The following PSPC1 variants were observed in gnomAD, a reference collection of about 807,000 sequenced individuals.
PSPC1 encodes paraspeckle component 1, also known as paraspeckle protein 1.
Under a neutral mutation model 51.6 loss-of-function variants are expected in PSPC1, and 14 were observed. That is an observed-to-expected ratio of 0.27 (90% CI 0.18 to 0.42). PSPC1 has a LOEUF of 0.42. Among genes scored for constraint, PSPC1 ranks in the 10% least tolerant of loss-of-function variants. The pLI is 1.00. For missense variants in PSPC1, 406 were observed against 701.1 expected (o/e 0.58, Z 4.75); for synonymous variants, 193 against 231.9 (o/e 0.83, Z 1.53).
intron 5 of PSPC1, among the ~76,000 whole-genome samples, chr13:19,730,961 A>AAAAAAAAAAAC (rs1441202332): frequency 8.1e-4 from 19 of 23,506 alleles, no homozygotes; most frequent in Non-Finnish European, 1.9e-3. Flanking sequence ...AAAAAACAAA[A>AAAAAAAAAAAC]AAACAAAAAA....
intron 4 of PSPC1, among the ~76,000 whole-genome samples, chr13:19,743,318 C>T (rs1885621538): frequency 6.6e-6 from 1 of 152,146 alleles, no homozygotes; most frequent in Non-Finnish European, 1.5e-5. Context: ...TCTTAATAAA[C>T]ACCTGTACTC....
At chr13:19,701,641 C>A (rs1879915477), downstream of PSPC1, among the ~76,000 whole-genome samples, 2 of 152,154 alleles carry the variant, frequency 1.3e-5, no homozygotes, top group Admixed American at 1.3e-4. Context: ...AAGAATGCAT[C>A]AATTATGCTT....
chr13:19,752,711 G>A (rs540667185), intron 3 of PSPC1, among the ~76,000 whole-genome samples: 23 of 151,986 alleles, frequency 1.5e-4, no homozygotes, highest in African/African-American at 5.1e-4. Context: ...TCAGCTTCCC[G>A]AGTAGCTCGG....
chr13:19,698,885 T>A (rs2137693674), downstream of PSPC1, among the ~76,000 whole-genome samples: 1 of 151,950 alleles, frequency 6.6e-6, no homozygotes, highest in South Asian at 2.1e-4. Flanking sequence ...ATAACAGACT[T>A]CTGTTATTCA....
intron 1 of PSPC1, among the ~76,000 whole-genome samples, chr13:19,776,259 G>A (rs1048881326): frequency 5.3e-5 from 8 of 152,062 alleles, no homozygotes; most frequent in African/African-American, 1.9e-4. Context: ...CCAGGAGTTT[G>A]AGACCTGCCT....
intron 1 of PSPC1, among the ~76,000 whole-genome samples, chr13:19,779,416 C>CGGGA (rs1889627755): frequency 1.7e-5 from 1 of 60,262 alleles, no homozygotes; most frequent in South Asian, 8.7e-4. Context: ...CCGCCCCGTC[C>CGGGA]GGGAGGTGAG....
intron 6 of PSPC1, among the ~76,000 whole-genome samples, chr13:19,715,335 C>T (rs1452307704): frequency 6.6e-6 from 1 of 152,142 alleles, no homozygotes; most frequent in East Asian, 1.9e-4. Context: ...ATTAACCTAA[C>T]AAATATTTTC....
chr13:19,697,225 G>A (rs1004396069), intron 6 of PSPC1, among the ~76,000 whole-genome samples: 1 of 152,144 alleles, frequency 6.6e-6, no homozygotes, highest in Non-Finnish European at 1.5e-5. Context: ...ACGTTCTTTG[G>A]CTCCACCTGA....
intron 6 of PSPC1, among the ~76,000 whole-genome samples, chr13:19,714,844 C>CA (rs200547439): frequency 0.011 from 1,737 of 152,064 alleles, 32 homozygotes; most frequent in African/African-American, 0.038. Context: ...ACAGTAGTAT[C>CA]AAAAAAATCC....
At chr13:19,701,611 G>GA (rs1331261062), downstream of PSPC1, among the ~76,000 whole-genome samples, 12 of 152,166 alleles carry the variant, frequency 7.9e-5, no homozygotes, top group Admixed American at 5.9e-4. Flanking sequence ...GAGTACGTAT[G>GA]AAAATTTTAA....
intron 5 of PSPC1, among the ~76,000 whole-genome samples, chr13:19,735,954 G>A (rs902632010): frequency 1.1e-4 from 17 of 151,894 alleles, no homozygotes; most frequent in Non-Finnish European, 2.1e-4. Context: ...CTGAGTAGCT[G>A]GGACTACAGG....
downstream of PSPC1, among the ~76,000 whole-genome samples, chr13:19,700,919 T>C (rs997211176): frequency 6.6e-6 from 1 of 152,092 alleles, no homozygotes; most frequent in African/African-American, 2.4e-5. Flanking sequence ...GAAAAAAAAA[T>C]TGACTGAACC....
chr13:19,755,242 A>AAAAAG (rs772810373), intron 3 of PSPC1, among the ~76,000 whole-genome samples: 18 of 152,128 alleles, frequency 1.2e-4, no homozygotes, highest in Middle Eastern at 3.4e-3. Flanking sequence ...TCTCAAAAAA[A>AAAAAG]AAAAGAAAAG....
Position 19,781,429 on chromosome 13 carries a change from C to A in PSPC1, c.372+957G>T, listed in dbSNP as rs1253494506. Among the ~76,000 whole-genome samples the A allele has an allele frequency of 2.0e-5, 3 of 152,118 alleles. No individual in the cohort carries two copies. In the South Asian group the frequency reaches 6.2e-4, roughly 32 times the overall value. The stretch of plus-strand genomic sequence containing the variant: ...TTGCATAAATTATTGGAAAACTTTT[C>A]AAAGTTTAGATTAAAAGAGAGTAAG... On this transcript the variant is annotated intron_variant, in intron 1 of 8. Coordinates refer to ENST00000338910, the MANE Select transcript of PSPC1 (RefSeq NM_001354909.2).
At chr13:19,673,190 G>A, downstream of PSPC1, 1 of 445,668 alleles carries the variant, frequency 2.2e-6, no homozygotes, top group East Asian at 7.0e-5. Flanking sequence ...CTGGCTGTCA[G>A]CTGTGTGGGA....
At chr13:19,773,248 CA>C (rs1290104065) in intron 1 of PSPC1, among the ~76,000 whole-genome samples, 1 of 138,754 alleles carries the variant, frequency 7.2e-6, no homozygotes, top group Admixed American at 7.3e-5. Context: ...GTTTTTATCT[CA>C]TTTTTTTTTT....
At chr13:19,758,686 T>C (rs1887321433) in intron 3 of PSPC1, among the ~76,000 whole-genome samples, 1 of 150,588 alleles carries the variant, frequency 6.6e-6, no homozygotes, top group South Asian at 2.1e-4. Context: ...CACAAAAAAA[T>C]TAGTCGGGCG....
chr13:19,779,739 G>T (rs1378549329), intron 1 of PSPC1, among the ~76,000 whole-genome samples: 1 of 104,116 alleles, frequency 9.6e-6, no homozygotes, highest in African/African-American at 3.9e-5. Flanking sequence ...GGTGGGGGGG[G>T]GTCAGCCCTC....
In PSPC1 at chr13:19,782,457, G is replaced by C; in HGVS notation, c.301C>G (p.Leu101Val). ...TDITEEDFKRLFERYGEPSEV... is the reference protein window; with the variant it reads ...TDITEEDFKRVFERYGEPSEV... ...CTGGGCTCGCCATAGCGTTCGAAGA[G>C]CCTCTTGAAGTCCTCCTCCGTGATG... Residue 101 changes from leucine (L) to valine (V), a missense_variant, in exon 1 of 9, where the codon CTC becomes GTC. Coordinates refer to ENST00000338910, the MANE Select transcript of PSPC1 (RefSeq NM_001354909.2). The surrounding 1 kb of genome is among the most constrained non-coding windows in gnomAD (Gnocchi z 4.5). 1.2e-6 allele frequency: 2 copies of C among 1,611,716 alleles called. No individual in the cohort carries two copies. The highest frequency in any genetic ancestry group is 1.7e-6 in the Non-Finnish European group (2 of 1,178,932).
Sources: allele counts gnomAD v4.1 joint callset (sites outside exome capture counted in the v4.1 genomes callset), GRCh38; gene constraint gnomAD v4.1.1; non-coding constraint Gnocchi (gnomAD v3.1); transcripts MANE v1.5; gene names NCBI Gene and HGNC (gene_info 2026-07-23, HGNC 2026-07-21).